CADM2: variants seen among roughly 807,000 people sequenced by gnomAD.
CADM2 encodes immunoglobulin superfamily member 4D.
A neutral mutation model predicts 49.8 loss-of-function variants in CADM2; 12 were observed. That is an observed-to-expected ratio of 0.24 (90% CI 0.15 to 0.39). CADM2 has a LOEUF of 0.39. Among genes scored for constraint, CADM2 ranks in the 10% least tolerant of loss-of-function variants. The pLI is 1.00. For missense variants in CADM2, 378 were observed against 492.3 expected, an observed-to-expected ratio of 0.77 and a Z score of 2.20; for synonymous variants, 214 against 175.4, an observed-to-expected ratio of 1.22 and a Z score of -1.74.
chr3:85,835,707 T>C (rs2074378733), intron 3 of CADM2, among the ~76,000 whole-genome samples: 1 of 147,866 alleles, frequency 6.8e-6, no homozygotes, highest in Admixed American at 6.9e-5. Context: ...ATTTTATATA[T>C]GTATGTGTAT....
At chr3:85,829,524 A>G (rs1460466395) in intron 3 of CADM2, among the ~76,000 whole-genome samples, 1 of 152,020 alleles carries the variant, frequency 6.6e-6, no homozygotes, top group Non-Finnish European at 1.5e-5. Context: ...AAGTTGTACA[A>G]CATGATTTGA....
At chr3:85,469,994 C>T (rs1057468316) in intron 1 of CADM2, among the ~76,000 whole-genome samples, 3 of 151,996 alleles carry the variant, frequency 2.0e-5, no homozygotes, top group Non-Finnish European at 4.4e-5. Context: ...TGGAGGGAAG[C>T]GGAGTAGGAA....
At chr3:85,439,203 G>T (rs12637461) in intron 1 of CADM2, among the ~76,000 whole-genome samples, 75,344 of 149,756 alleles carry the variant, frequency 0.5, 22,025 homozygotes, top group East Asian at 0.83. Context: ...GCCCAAGCTG[G>T]AGTGTAATGG....
intron 1 of CADM2, among the ~76,000 whole-genome samples, chr3:85,196,529 G>A (rs1242639112): frequency 6.6e-6 from 1 of 151,844 alleles, no homozygotes; most frequent in African/African-American, 2.4e-5. Context: ...AAAGCTAGGA[G>A]GACATGGAAA....
intron 3 of CADM2, among the ~76,000 whole-genome samples, chr3:85,848,765 A>C (rs2108284528): frequency 6.6e-6 from 1 of 152,216 alleles, no homozygotes; most frequent in East Asian, 1.9e-4. Flanking sequence ...AACTGGAATA[A>C]ATTATGGATA....
chr3:85,904,896 GTCTT>G (rs1226897216), intron 5 of CADM2, among the ~76,000 whole-genome samples: 1 of 151,960 alleles, frequency 6.6e-6, no homozygotes, highest in Non-Finnish European at 1.5e-5. Flanking sequence ...TTCAAAAAAT[GTCTT>G]TATTTTTTGC....
intron 1 of CADM2, among the ~76,000 whole-genome samples, chr3:85,695,758 A>T (rs966921005): frequency 6.6e-6 from 1 of 152,106 alleles, no homozygotes; most frequent in East Asian, 1.9e-4. Context: ...GACTTTTTTC[A>T]CTTTGGGTAG....
intron 1 of CADM2, among the ~76,000 whole-genome samples, chr3:85,660,913 A>AT (rs201671878): frequency 1.1e-5 from 1 of 92,026 alleles, no homozygotes; most frequent in Non-Finnish European, 2.5e-5. Flanking sequence ...TAATCAAACT[A>AT]AAAAAAAAAA....
chr3:85,276,496 A>T (rs1428750650), intron 1 of CADM2, among the ~76,000 whole-genome samples: 1 of 151,316 alleles, frequency 6.6e-6, no homozygotes, highest in Non-Finnish European at 1.5e-5. Flanking sequence ...AACTTCTCAC[A>T]TTTAGTAGAA....
At chr3:86,050,108 C>G (rs865857550) in intron 8 of CADM2, among the ~76,000 whole-genome samples, 1 of 152,156 alleles carries the variant, frequency 6.6e-6, no homozygotes, top group Non-Finnish European at 1.5e-5. Flanking sequence ...GTTTGTTACT[C>G]TCAAGATACA....
At chr3:86,041,266 A>G (rs1194878677) in intron 8 of CADM2, among the ~76,000 whole-genome samples, 1 of 152,244 alleles carries the variant, frequency 6.6e-6, no homozygotes, top group African/African-American at 2.4e-5. Context: ...TAAATGCTCC[A>G]ATTAAAAGAT....
chr3:85,874,320 C>T (rs372946491), intron 3 of CADM2, among the ~76,000 whole-genome samples: 1 of 152,246 alleles, frequency 6.6e-6, no homozygotes, highest in South Asian at 2.1e-4. Flanking sequence ...AAGGCTTTCA[C>T]AGAATATGGG....
In CADM2 at chr3:85,165,143, T is replaced by C. The variant is rs75450416; in HGVS notation, c.61+205475T>C. Among the ~76,000 whole-genome samples the C allele has an allele frequency of 2.1e-3, 318 of 152,042 alleles. 1 individual carries two copies. Among genetic ancestry groups the C allele is most frequent in the African/African-American group, 7.5e-3 (312 of 41,550 alleles). On this transcript the variant is annotated intron_variant, in intron 1 of 9. Transcript: ENST00000383699. The stretch of plus-strand genomic sequence containing the variant: ...TTAATCATGACTGTAATAAGCTATG[T>C]CACCAATTTCATAAATTTATGGCTA...
chr3:85,057,361 C>G (rs1428916731), intron 1 of CADM2, among the ~76,000 whole-genome samples: 1 of 151,482 alleles, frequency 6.6e-6, no homozygotes, highest in Non-Finnish European at 1.5e-5. Context: ...CATTTTTAAA[C>G]AAATATTTTA....
At chr3:85,236,124 ACTT>A (rs542815674) in intron 1 of CADM2, among the ~76,000 whole-genome samples, 118 of 152,212 alleles carry the variant, frequency 7.8e-4, no homozygotes, top group African/African-American at 2.6e-3. Flanking sequence ...CCAAAAAAGT[ACTT>A]CTCACGGTTG....
chr3:85,706,865 C>A (rs1002599412), intron 1 of CADM2, among the ~76,000 whole-genome samples: 13 of 151,994 alleles, frequency 8.6e-5, no homozygotes, highest in Admixed American at 8.5e-4. Context: ...TAATAATTGT[C>A]CTATCCAATA....
At chr3:85,845,988 G>A (rs2074862036) in intron 3 of CADM2, among the ~76,000 whole-genome samples, 1 of 152,074 alleles carries the variant, frequency 6.6e-6, no homozygotes, top group Non-Finnish European at 1.5e-5. Context: ...GGGGTTGGTG[G>A]TGGGTCTGCC....
intron 1 of CADM2, among the ~76,000 whole-genome samples, chr3:85,523,207 T>C (rs2061069759): frequency 6.6e-6 from 1 of 152,086 alleles, no homozygotes; most frequent in Non-Finnish European, 1.5e-5. Flanking sequence ...ATAGAAAGCC[T>C]TCAATATATG....
At chr3:85,104,479 A>T (rs2107551919) in intron 1 of CADM2, among the ~76,000 whole-genome samples, 1 of 152,164 alleles carries the variant, frequency 6.6e-6, no homozygotes, top group African/African-American at 2.4e-5. Flanking sequence ...GTAGGCTTGT[A>T]GTATAGTTTG....
Sources: allele counts gnomAD v4.1 joint callset (sites outside exome capture counted in the v4.1 genomes callset), GRCh38; gene constraint gnomAD v4.1.1; transcripts MANE v1.5; gene names NCBI Gene and HGNC (gene_info 2026-07-23, HGNC 2026-07-21).